The following TPO variants were observed in gnomAD, a reference collection of about 807,000 sequenced individuals.
The protein encoded by TPO is thyroid peroxidase, also known as thyroid microsomal antigen.
TPO carries 78 observed loss-of-function variants against 96.9 expected under a neutral mutation model. That is an observed-to-expected ratio of 0.81 (90% CI 0.67 to 0.97). TPO has a LOEUF of 0.97. Ranked by LOEUF, TPO falls within the 50% of genes least tolerant of loss-of-function variation. TPO has a pLI of 0.00. For synonymous variants in TPO, 547 were observed against 538.0 expected, an observed-to-expected ratio of 1.02 and a Z score of -0.23; for missense variants, 1,252 against 1,274.8, an observed-to-expected ratio of 0.98 and a Z score of 0.27.
rs747727111 is a variant in TPO at position 1,516,908 on chromosome 2, T to G, written c.2544T>G (p.Thr848=). 6.2e-7 allele frequency: 1 copy of G among 1,613,862 alleles called. No individual in the cohort carries two copies. Among genetic ancestry groups the G allele is most frequent in the African/African-American group, 1.3e-5 (1 of 74,946 alleles). ...CVDSGRLPRV[T]WISMSLAALL... is the part of the protein sequence containing the mutation. ...ACTCCGGGAGGCTCCCTCGGGTGAC[T>G]TGGATCTCCATGTCGCTGGCTGCTC... Residue 848 remains threonine, a synonymous_variant, in exon 15 of 17, where the codon ACT becomes ACG. Coordinates refer to ENST00000329066, the MANE Select transcript of TPO (RefSeq NM_001206744.2).
chr2:1,502,886 C>A (rs956038473), intron 13 of TPO, among the ~76,000 whole-genome samples: 5 of 152,230 alleles, frequency 3.3e-5, no homozygotes, highest in African/African-American at 1.2e-4. Flanking sequence ...AAGCCTCCCC[C>A]GGGGTTAGGA....
At chr2:1,393,415 C>T (rs1236787341) in intron 1 of TPO, among the ~76,000 whole-genome samples, 1 of 152,192 alleles carries the variant, frequency 6.6e-6, no homozygotes, top group Non-Finnish European at 1.5e-5. Flanking sequence ...AGATTCAAGC[C>T]ATATCAGTGA....
At chr2:1,387,735 T>C (rs1661925434) in intron 1 of TPO, among the ~76,000 whole-genome samples, 1 of 152,234 alleles carries the variant, frequency 6.6e-6, no homozygotes. Context: ...TTTGTCCAGC[T>C]TTGTTCCATT....
intron 16 of TPO, 128 bp downstream of exon 16, chr2:1,540,851 C>T: frequency 2.6e-6 from 4 of 1,564,644 alleles, no homozygotes; most frequent in Non-Finnish European, 3.5e-6. Context: ...GTCCGTTCTG[C>T]ACCTTCCTCC....
At chr2:1,532,142 CCT>C (rs1678425210) in intron 15 of TPO, among the ~76,000 whole-genome samples, 1 of 131,060 alleles carries the variant, frequency 7.6e-6, no homozygotes, top group African/African-American at 2.9e-5. Context: ...CCTCTAATCC[CCT>C]CACTGTGTGC....
intron 15 of TPO, among the ~76,000 whole-genome samples, chr2:1,528,451 C>G (rs77619155): frequency 0.034 from 4,985 of 144,698 alleles, 192 homozygotes; most frequent in South Asian, 0.1. Flanking sequence ...CTGTGTGCAA[C>G]CTCCTCAAAT....
intron 15 of TPO, among the ~76,000 whole-genome samples, chr2:1,528,717 A>C (rs1304846558): frequency 0.035 from 662 of 18,770 alleles, no homozygotes; most frequent in African/African-American, 0.047. Context: ...CCCAAATCCC[A>C]CCCACTCTGT....
Position 1,540,996 on chromosome 2 carries a change from A to C in TPO, c.2748+273A>C, listed in dbSNP as rs2125355847. The stretch of plus-strand genomic sequence containing the variant: ...CACTTTCAGGCGTTTGCTTCCACTT[A>C]ATCTGAGGATCGGCTGGAAGCACAG... On this transcript the variant is annotated intron_variant, in intron 16 of 16. Coordinates refer to ENST00000329066, the MANE Select transcript of TPO (RefSeq NM_001206744.2). The C allele has an allele frequency of 3.5e-6, 5 of 1,422,432 alleles. No homozygotes were observed. In the South Asian group the frequency reaches 5.4e-5, roughly 15 times the overall value. The allele number at this position is 1,422,432 out of a possible 1,614,324, so 88.1% of individuals were successfully genotyped here.
chr2:1,423,251 A>G, intron 3 of TPO, 122 bp downstream of exon 3: 1 of 851,144 alleles, frequency 1.2e-6, no homozygotes, highest in Non-Finnish European at 1.9e-6. Flanking sequence ...TGCCATTGTT[A>G]ATTTACTTCC....
chr2:1,493,670 A>G lies in TPO; in HGVS notation c.1769-132A>G, dbSNP rs9679267. 0.45 allele frequency: 396,754 copies of G among 886,672 alleles called. 104,198 individuals are homozygous for G. Among genetic ancestry groups the G allele is most frequent in the African/African-American group, 0.66 (34,551 of 52,626 alleles). The allele number at this position is 886,672 out of a possible 1,614,324, so 54.9% of individuals were successfully genotyped here. On this transcript the variant is annotated intron_variant, in intron 10 of 16. Transcript: ENST00000329066. ...GAATATCCTAGCCTGGCAAACTGCC[A>G]GGCAGTGTCACAGGGTGGGACAGGA...
At position 1,490,476 on chromosome 2, in the gene TPO, A is replaced by G. The variant is rs190059997; in HGVS notation, c.1768+2485A>G. On this transcript the variant is annotated intron_variant, in intron 10 of 16. Transcript: ENST00000329066. ...GTGTAAGAGCCGCCACGAGGGTCCC[A>G]CACAGGGGGAGTCACGACACAGCAG... is the stretch of plus-strand genomic sequence containing the variant. Among the ~76,000 whole-genome samples the G allele has an allele frequency of 4.6e-4, 64 of 137,970 alleles. 1 individual carries two copies. Among genetic ancestry groups the G allele is most frequent in the Middle Eastern group, 3.8e-3 (1 of 262 alleles). 90.5% of individuals were successfully genotyped at this position (137,970 alleles called of 152,430 possible). A position where few individuals can be genotyped will look rare whatever the true frequency, so the allele number is the denominator to read the frequency against.
chr2:1,483,668 A>C (rs1313216307), intron 8 of TPO, among the ~76,000 whole-genome samples: 1 of 152,182 alleles, frequency 6.6e-6, no homozygotes, highest in African/African-American at 2.4e-5. Flanking sequence ...ATGAACTAGC[A>C]CAGGGACGGA....
chr2:1,477,493 G>T lies in TPO; in HGVS notation c.1227G>T (p.Leu409=). The change falls in exon 8 of 17, where the codon CTG becomes CTT. Residue 409 remains leucine (L), a synonymous_variant. Coordinates refer to ENST00000329066, the MANE Select transcript of TPO (RefSeq NM_001206744.2). ...EVPSLTALHT[L]WLREHNRLAA... is the part of the protein sequence containing the mutation. ...CCTCCCTGACGGCACTGCACACGCT[G>T]TGGCTGCGCGAGCACAACCGCCTGG... The T allele has an allele frequency of 6.5e-7, 1 of 1,531,496 alleles. No homozygotes were observed. The highest frequency in any genetic ancestry group is 8.7e-7 in the Non-Finnish European group (1 of 1,144,422). 94.9% of individuals were successfully genotyped at this position (1,531,496 alleles called of 1,614,324 possible).
chr2:1,418,148 G>C (rs1021676668), intron 2 of TPO, among the ~76,000 whole-genome samples: 6 of 152,274 alleles, frequency 3.9e-5, no homozygotes, highest in African/African-American at 1.4e-4. Context: ...TTAGCTGGGC[G>C]TGGTGGTGCC....
chr2:1,472,441 C>A (rs13431646), intron 7 of TPO, among the ~76,000 whole-genome samples: 1 of 152,142 alleles, frequency 6.6e-6, no homozygotes, highest in African/African-American at 2.4e-5. Flanking sequence ...AGAAGTCATG[C>A]ACAAGCATAT....
chr2:1,498,091 G>T (rs1672535603), intron 13 of TPO, among the ~76,000 whole-genome samples: 1 of 151,866 alleles, frequency 6.6e-6, no homozygotes, highest in Admixed American at 6.6e-5. Flanking sequence ...TTTAAAAATG[G>T]CAGAGGTGGT....
chr2:1,395,948 C>T (rs370867817), intron 1 of TPO, among the ~76,000 whole-genome samples: 2 of 152,352 alleles, frequency 1.3e-5, no homozygotes, highest in Admixed American at 6.5e-5. Context: ...TAAACCTCTT[C>T]CTCTAATAAG....
At position 1,491,178 on chromosome 2, in the gene TPO, C is replaced by A. The variant is rs77275791; in HGVS notation, c.1769-2624C>A. Among the ~76,000 whole-genome samples, 774 of 151,056 alleles carry A rather than the reference C, an allele frequency of 5.1e-3. 8 individuals are homozygous for A. The highest frequency in any genetic ancestry group is 0.018 in the African/African-American group (736 of 41,162). ...GAGCGAGACTCAGTCAAAAAAAAAACCAAAAAAACACTTTTTTTTGCATTC... is the reference window on the plus strand; with the variant it reads ...GAGCGAGACTCAGTCAAAAAAAAAAACAAAAAAACACTTTTTTTTGCATTC... On this transcript the variant is annotated intron_variant, in intron 10 of 16. Transcript: ENST00000329066.
At chr2:1,470,458 AT>A (rs1669293345) in intron 7 of TPO, among the ~76,000 whole-genome samples, 1 of 151,422 alleles carries the variant, frequency 6.6e-6, no homozygotes, top group South Asian at 2.1e-4. Flanking sequence ...ATTTTCGTCA[AT>A]TTTTTTTCTT....
Sources: allele counts gnomAD v4.1 joint callset (sites outside exome capture counted in the v4.1 genomes callset), GRCh38; gene constraint gnomAD v4.1.1; transcripts MANE v1.5; gene names NCBI Gene and HGNC (gene_info 2026-07-23, HGNC 2026-07-21).